The following CRIM1 variants were observed in gnomAD, a reference collection of about 807,000 sequenced individuals.
CRIM1 encodes the protein cysteine-rich motor neuron 1 protein.
Under a neutral mutation model 116.4 loss-of-function variants are expected in CRIM1, and 32 were observed. The ratio of observed to expected loss-of-function variants is 0.27; its 90% CI spans 0.21 to 0.37. The LOEUF (loss-of-function observed/expected upper bound fraction) is 0.37, where lower values mean the gene tolerates loss of function less well. CRIM1 is among the 10% of genes least tolerant of loss of function. The pLI is 1.00. For missense variants in CRIM1, 1,331 were observed against 1,354.8 expected (o/e 0.98, Z 0.28); for synonymous variants, 590 against 509.2 (o/e 1.16, Z -2.13).
At chr2:36,499,170 AAG>A (rs780557382) in intron 7 of CRIM1, 47 bp from the exon 8 acceptor site, 1 of 1,448,666 alleles carries the variant, frequency 6.9e-7, no homozygotes, top group South Asian at 1.2e-5. Context: ...TAGCATCTAA[AAG>A]GTAATCATAT....
intron 12 of CRIM1, among the ~76,000 whole-genome samples, chr2:36,518,553 T>G (rs1018300430): frequency 1.3e-5 from 2 of 152,362 alleles, no homozygotes; most frequent in South Asian, 2.1e-4. Flanking sequence ...GATGAACTTA[T>G]AGGGATAGCC....
At chr2:36,514,244 C>G (rs985698226) in intron 11 of CRIM1, among the ~76,000 whole-genome samples, 1 of 152,152 alleles carries the variant, frequency 6.6e-6, no homozygotes, top group African/African-American at 2.4e-5. Flanking sequence ...ATGTGGCACT[C>G]TTGCCAAATG....
intron 2 of CRIM1, among the ~76,000 whole-genome samples, chr2:36,397,835 A>G (rs755654159): frequency 6.6e-6 from 1 of 152,190 alleles, no homozygotes; most frequent in Non-Finnish European, 1.5e-5. Context: ...AACAATAGAA[A>G]TAACATTTGC....
At position 36,492,983 on chromosome 2, in the gene CRIM1, C is replaced by CT. The variant is rs1680338927; in HGVS notation, c.1373-6235dup. On this transcript the variant is annotated intron_variant, in intron 7 of 16. Coordinates refer to ENST00000280527, the MANE Select transcript of CRIM1 (RefSeq NM_016441.3). ...AGGCTTGGGAATTTACAAAGAAGAG[C>CT]TATGTAAAATCTGCAAAGCATTATT... Among the ~76,000 whole-genome samples the CT allele has an allele frequency of 3.9e-5, 6 of 152,032 alleles. No individual in the cohort carries two copies. The South Asian group carries it at 1.2e-3, about 32-fold the overall frequency.
chr2:36,439,946 C>T (rs1294192786), intron 2 of CRIM1, among the ~76,000 whole-genome samples: 1 of 152,204 alleles, frequency 6.6e-6, no homozygotes, highest in East Asian at 1.9e-4. Context: ...AACAGGTGCT[C>T]AGTCAATGTT....
chr2:36,515,109 A>G (rs1279985461), intron 11 of CRIM1, among the ~76,000 whole-genome samples: 1 of 152,188 alleles, frequency 6.6e-6, no homozygotes, highest in Non-Finnish European at 1.5e-5. Context: ...GGGGAGGGAA[A>G]AATCATGTGT....
chr2:36,428,198 A>T (rs896002816), intron 2 of CRIM1, among the ~76,000 whole-genome samples: 1 of 152,234 alleles, frequency 6.6e-6, no homozygotes, highest in Non-Finnish European at 1.5e-5. Context: ...GCAGTGCAGG[A>T]CTTCCCAGGA....
intron 10 of CRIM1, 55 bp downstream of exon 10, chr2:36,512,449 A>G: frequency 1.3e-6 from 2 of 1,549,486 alleles, no homozygotes; most frequent in Non-Finnish European, 8.8e-7. Flanking sequence ...CACCGAAACA[A>G]GGAACATAAG....
intron 2 of CRIM1, among the ~76,000 whole-genome samples, chr2:36,436,610 T>C (rs952292289): frequency 6.6e-6 from 1 of 152,168 alleles, no homozygotes; most frequent in Non-Finnish European, 1.5e-5. Context: ...TAATTAAGCT[T>C]GATTTAATAG....
rs185850399 is a variant in CRIM1 at position 36,476,142 on chromosome 2, A to C, written c.992-747A>C. On this transcript the variant is annotated intron_variant, in intron 5 of 16. Coordinates refer to ENST00000280527, the MANE Select transcript of CRIM1 (RefSeq NM_016441.3). ...AAATTTAAAAATCATTGATATCGTG[A>C]TGAGACTTCTAAATATGGGACTATG... Among the ~76,000 whole-genome samples, 156 of 152,204 alleles carry C rather than the reference A, an allele frequency of 1.0e-3. 1 individual carries two copies. The highest frequency in any genetic ancestry group is 3.7e-3 in the African/African-American group (154 of 41,532).
intron 2 of CRIM1, among the ~76,000 whole-genome samples, chr2:36,428,632 T>A (rs1674640294): frequency 6.6e-6 from 1 of 152,252 alleles, no homozygotes; most frequent in Non-Finnish European, 1.5e-5. Context: ...AGCAGTTGGT[T>A]AAATATTCCT....
intron 9 of CRIM1, 106 bp downstream of exon 9, chr2:36,510,245 G>A (rs921121254): frequency 9.2e-7 from 1 of 1,082,298 alleles, no homozygotes; most frequent in African/African-American, 1.6e-5. Context: ...ATGGTATATT[G>A]AGCCCAGAAT....
Position 36,401,635 on chromosome 2 carries a change from C to A in CRIM1, c.505+4848C>A, listed in dbSNP as rs1341177578. 2.6e-5 allele frequency among the ~76,000 whole-genome samples: 4 copies of A among 152,174 alleles called. No homozygotes were observed. In the East Asian group the frequency reaches 7.7e-4, roughly 29 times the overall value. On this transcript the variant is annotated intron_variant, in intron 2 of 16. Transcript: ENST00000280527. Reference sequence around the variant, plus strand: ...TCAGTGGTCATAAGTAATGTCAATACCAAAGGTTTCCATGATGCAGTGAAT... The same window carrying A: ...TCAGTGGTCATAAGTAATGTCAATAACAAAGGTTTCCATGATGCAGTGAAT...
chr2:36,430,448 G>C (rs1461578902), intron 2 of CRIM1, among the ~76,000 whole-genome samples: 1 of 152,224 alleles, frequency 6.6e-6, no homozygotes, highest in Non-Finnish European at 1.5e-5. Flanking sequence ...ACACATTGCA[G>C]TATTTTTGTT....
chr2:36,514,790 C>T (rs775766972), intron 11 of CRIM1, among the ~76,000 whole-genome samples: 3 of 152,168 alleles, frequency 2.0e-5, no homozygotes, highest in African/African-American at 7.2e-5. Flanking sequence ...CCTTGTTCGC[C>T]ATGGTTGGGG....
chr2:36,402,946 GTAACTCAT>G (rs1328487898), intron 2 of CRIM1, among the ~76,000 whole-genome samples: 1 of 152,088 alleles, frequency 6.6e-6, no homozygotes, highest in African/African-American at 2.4e-5. Flanking sequence ...ATGTAATTCA[GTAACTCAT>G]TAAGTAGAAT....
intron 6 of CRIM1, among the ~76,000 whole-genome samples, chr2:36,477,580 G>T (rs1387654475): frequency 6.6e-6 from 1 of 152,196 alleles, no homozygotes; most frequent in Non-Finnish European, 1.5e-5. Context: ...ATATGTGGTG[G>T]TTCACATGGG....
chr2:36,509,454 G>C (rs1369149690), intron 8 of CRIM1, among the ~76,000 whole-genome samples: 1 of 152,148 alleles, frequency 6.6e-6, no homozygotes, highest in African/African-American at 2.4e-5. Flanking sequence ...TTGAACCCAG[G>C]AGACAGAAGT....
chr2:36,401,979 G>A (rs536514336), intron 2 of CRIM1, among the ~76,000 whole-genome samples: 1 of 152,216 alleles, frequency 6.6e-6, no homozygotes, highest in East Asian at 1.9e-4. Flanking sequence ...GCTGTAGCAA[G>A]AAACCTTCTG....
Sources: gnomAD v4.1 joint callset for allele counts (sites outside exome capture counted in the v4.1 genomes callset) on GRCh38, gnomAD v4.1.1 for gene constraint, MANE v1.5 for transcripts, NCBI Gene and HGNC (gene_info 2026-07-23, HGNC 2026-07-21) for gene names.